EXOC6B: variants seen among roughly 807,000 people sequenced by gnomAD.
EXOC6B encodes exocyst complex component 6B, also known as SEC15 homolog B.
A neutral mutation model predicts 113.5 loss-of-function variants in EXOC6B; 54 were observed. The observed-to-expected ratio is 0.48, with a 90% confidence interval of 0.38 to 0.60. EXOC6B has a LOEUF of 0.60. EXOC6B is among the 20% of genes least tolerant of loss of function. EXOC6B has a pLI of 0.00. For missense variants in EXOC6B, 797 were observed against 977.5 expected (o/e 0.82, Z 2.46); for synonymous variants, 357 against 339.0 (o/e 1.05, Z -0.58).
At chr2:72,759,924 G>T (rs1378742882) in intron 1 of EXOC6B, among the ~76,000 whole-genome samples, 7 of 152,118 alleles carry the variant, frequency 4.6e-5, no homozygotes, top group Non-Finnish European at 7.4e-5. Flanking sequence ...CCTTTTGAAG[G>T]CACAGTAGTA....
chr2:72,484,194 G>A (rs1699281725), intron 16 of EXOC6B, among the ~76,000 whole-genome samples: 2 of 149,650 alleles, frequency 1.3e-5, no homozygotes, highest in Admixed American at 6.7e-5. Context: ...TGTGCAGAAC[G>A]TGCAGGTTTG....
chr2:72,604,526 A>G (rs1390030608), intron 6 of EXOC6B, among the ~76,000 whole-genome samples: 1 of 152,194 alleles, frequency 6.6e-6, no homozygotes, highest in East Asian at 1.9e-4. Context: ...CATTATTTCC[A>G]CTTTATAGAA....
At chr2:72,300,554 G>A (rs1043544580) in intron 20 of EXOC6B, among the ~76,000 whole-genome samples, 1 of 152,200 alleles carries the variant, frequency 6.6e-6, no homozygotes, top group African/African-American at 2.4e-5. Context: ...TAGCGTTCCA[G>A]GTGCCACTGG....
chr2:72,736,257 A>T (rs1171903117), intron 2 of EXOC6B, among the ~76,000 whole-genome samples: 1 of 152,044 alleles, frequency 6.6e-6, no homozygotes, highest in Non-Finnish European at 1.5e-5. Context: ...TACTTCATTT[A>T]TTTCAAAGAA....
At chr2:72,310,888 C>CACAG (rs1687148628) in intron 20 of EXOC6B, among the ~76,000 whole-genome samples, 1 of 147,828 alleles carries the variant, frequency 6.8e-6, no homozygotes, top group Non-Finnish European at 1.5e-5. Flanking sequence ...CACACACACA[C>CACAG]AGAGCTAGTA....
In EXOC6B at chr2:72,359,830, C is replaced by T. The variant is rs77349750; in HGVS notation, c.2122+19899G>A. On this transcript the variant is annotated intron_variant, in intron 19 of 21. Transcript: ENST00000272427. ...AGGTGTTTGGGTCATGGGAGCAGAG[C>T]CCTTATAAATGGCTTGGTGCCCTCC... Among the ~76,000 whole-genome samples, 829 of 152,190 alleles carry T rather than the reference C, an allele frequency of 5.4e-3. 7 individuals carry two copies. The highest frequency in any genetic ancestry group is 0.019 in the African/African-American group (801 of 41,522).
chr2:72,217,752 T>C (rs1266078228), intron 20 of EXOC6B, among the ~76,000 whole-genome samples: 2 of 152,194 alleles, frequency 1.3e-5, no homozygotes, highest in African/African-American at 4.8e-5. Flanking sequence ...AGGACTGATA[T>C]CTGGCATTTT....
At chr2:72,758,157 ACT>A (rs1307748374) in intron 1 of EXOC6B, among the ~76,000 whole-genome samples, 1 of 104,080 alleles carries the variant, frequency 9.6e-6, no homozygotes, top group African/African-American at 3.9e-5. Context: ...AATGAGTGAG[ACT>A]CTGTCTCAAA....
At chr2:72,740,898 C>T (rs772650620) in intron 2 of EXOC6B, among the ~76,000 whole-genome samples, 2 of 152,022 alleles carry the variant, frequency 1.3e-5, no homozygotes, top group Non-Finnish European at 2.9e-5. Context: ...GTCAGGAGAT[C>T]GAGACCATCC....
intron 18 of EXOC6B, among the ~76,000 whole-genome samples, chr2:72,450,481 G>C (rs1054723671): frequency 6.6e-6 from 1 of 152,190 alleles, no homozygotes; most frequent in Non-Finnish European, 1.5e-5. Flanking sequence ...TTAAAACAGT[G>C]AGAGAGTGTA....
At chr2:72,774,897 T>C (rs1411367817) in intron 1 of EXOC6B, among the ~76,000 whole-genome samples, 3 of 152,218 alleles carry the variant, frequency 2.0e-5, no homozygotes, top group Non-Finnish European at 2.9e-5. Flanking sequence ...GTTGCCATGA[T>C]GCCTCCCCTC....
chr2:72,325,284 G>T (rs1688063235), intron 20 of EXOC6B, among the ~76,000 whole-genome samples: 1 of 152,090 alleles, frequency 6.6e-6, no homozygotes, highest in Non-Finnish European at 1.5e-5. Context: ...GAATCAAGAA[G>T]CAGCTATTAA....
intron 6 of EXOC6B, among the ~76,000 whole-genome samples, chr2:72,688,115 A>C (rs1037514521): frequency 1.1e-4 from 17 of 152,192 alleles, no homozygotes; most frequent in African/African-American, 4.1e-4. Flanking sequence ...TGGGAGAATA[A>C]CTTCGATGGG....
At chr2:72,358,786 T>C (rs934963535) in intron 19 of EXOC6B, among the ~76,000 whole-genome samples, 1 of 152,168 alleles carries the variant, frequency 6.6e-6, no homozygotes. Context: ...TCATTGACTC[T>C]CCAGTTCCAT....
At chr2:72,419,395 ATCTT>A (rs1279188190) in intron 18 of EXOC6B, among the ~76,000 whole-genome samples, 4 of 152,166 alleles carry the variant, frequency 2.6e-5, no homozygotes, top group Non-Finnish European at 4.4e-5. Flanking sequence ...TGTTGCTCAG[ATCTT>A]TCTTTCTTAA....
In EXOC6B at chr2:72,644,094, A is replaced by G. The variant is rs112892482; in HGVS notation, c.670-68426T>C. ...TAACAAGAATAAACAGTGTAGAGAAAACCTTAAATGAACTGATGGAGCTGA... is the reference window on the plus strand; with the variant it reads ...TAACAAGAATAAACAGTGTAGAGAAGACCTTAAATGAACTGATGGAGCTGA... On this transcript the variant is annotated intron_variant, in intron 6 of 21. Coordinates refer to ENST00000272427, the MANE Select transcript of EXOC6B (RefSeq NM_015189.3). 1.5e-4 allele frequency among the ~76,000 whole-genome samples: 23 copies of G among 152,278 alleles called. 2 individuals are homozygous for G. Among genetic ancestry groups the G allele is most frequent in the African/African-American group, 4.6e-4 (19 of 41,566 alleles).
At chr2:72,736,608 T>C (rs990467786) in intron 2 of EXOC6B, among the ~76,000 whole-genome samples, 2 of 152,088 alleles carry the variant, frequency 1.3e-5, no homozygotes, top group African/African-American at 2.4e-5. Flanking sequence ...AATTTGCAAC[T>C]TGAAGAAATT....
intron 11 of EXOC6B, among the ~76,000 whole-genome samples, chr2:72,502,960 A>G (rs1700404887): frequency 6.6e-6 from 1 of 152,126 alleles, no homozygotes; most frequent in African/African-American, 2.4e-5. Flanking sequence ...AGTCTCATCT[A>G]TTTAATCTCT....
At chr2:72,736,229 A>G (rs915226365) in intron 2 of EXOC6B, among the ~76,000 whole-genome samples, 1 of 151,922 alleles carries the variant, frequency 6.6e-6, no homozygotes, top group Admixed American at 6.6e-5. Context: ...AAGAAACTAT[A>G]CCAGCTGTCT....
Sources: allele counts gnomAD v4.1 joint callset (sites outside exome capture counted in the v4.1 genomes callset), GRCh38; gene constraint gnomAD v4.1.1; transcripts MANE v1.5; gene names NCBI Gene and HGNC (gene_info 2026-07-23, HGNC 2026-07-21).